TMEM232: variants seen among roughly 807,000 people sequenced by gnomAD.
TMEM232 encodes transmembrane protein 232.
Under a neutral mutation model 78.8 loss-of-function variants are expected in TMEM232, and 80 were observed. That is an observed-to-expected ratio of 1.01 (90% CI 0.85 to 1.22). The LOEUF is 1.22. TMEM232 is among the 50% of genes most tolerant of loss of function. TMEM232 has a pLI of 0.00. For missense variants in TMEM232, 881 were observed against 742.2 expected (o/e 1.19, Z -2.17); for synonymous variants, 297 against 254.3 (o/e 1.17, Z -1.60).
downstream of TMEM232, chr5:110,417,936 T>C (rs1019144589): frequency 4.6e-5 from 7 of 152,168 alleles, no homozygotes; most frequent in Non-Finnish European, 8.8e-5. Flanking sequence ...CAGTTTTCAC[T>C]TTTTTCTGCA....
At chr5:110,621,955 T>C (rs1783806920) in intron 7 of TMEM232, among the ~76,000 whole-genome samples, 1 of 152,186 alleles carries the variant, frequency 6.6e-6, no homozygotes, top group Non-Finnish European at 1.5e-5. Context: ...ATTATGAGTG[T>C]CTGACTAGGC....
At chr5:110,428,989 G>C (rs1757540286) in intron 12 of TMEM232, among the ~76,000 whole-genome samples, 1 of 151,814 alleles carries the variant, frequency 6.6e-6, no homozygotes, top group African/African-American at 2.4e-5. Flanking sequence ...GGCTGGGACT[G>C]AGATTACATT....
At chr5:110,513,263 T>G (rs1768063829) in intron 12 of TMEM232, among the ~76,000 whole-genome samples, 1 of 152,054 alleles carries the variant, frequency 6.6e-6, no homozygotes, top group East Asian at 1.9e-4. Flanking sequence ...AGCACTTCAA[T>G]GTCAACAAAA....
chr5:110,484,115 T>A (rs946107800), intron 12 of TMEM232, among the ~76,000 whole-genome samples: 1 of 152,006 alleles, frequency 6.6e-6, no homozygotes, highest in Admixed American at 6.6e-5. Flanking sequence ...AAACATTAAG[T>A]ACACATGGAT....
At position 110,571,145 on chromosome 5, in the gene TMEM232, T is replaced by C. The variant is rs1414637077; in HGVS notation, c.1277-2520A>G. 3.3e-5 allele frequency among the ~76,000 whole-genome samples: 5 copies of C among 152,034 alleles called. No individual in the cohort carries two copies. In the South Asian group the frequency reaches 8.3e-4, roughly 25 times the overall value. On this transcript the variant is annotated intron_variant, in intron 10 of 13. Transcript: ENST00000455884. Reference sequence around the variant, plus strand: ...GCTAGGTGCCCTTGTGCCTGATGTATTGTATCATATTGTACTTGCATATCT... The same window carrying C: ...GCTAGGTGCCCTTGTGCCTGATGTACTGTATCATATTGTACTTGCATATCT...
At chr5:110,521,961 T>C (rs1475215108) in intron 12 of TMEM232, among the ~76,000 whole-genome samples, 3 of 152,220 alleles carry the variant, frequency 2.0e-5, no homozygotes, top group African/African-American at 7.2e-5. Context: ...TGTTCCCATA[T>C]GAATTTCAGA....
At chr5:110,548,843 G>A (rs1243489736) in intron 11 of TMEM232, among the ~76,000 whole-genome samples, 1 of 151,968 alleles carries the variant, frequency 6.6e-6, no homozygotes, top group Non-Finnish European at 1.5e-5. Context: ...AAAGAGATCT[G>A]TTGTAGTTAT....
intron 1 of TMEM232, among the ~76,000 whole-genome samples, chr5:110,685,377 C>G (rs147614413): frequency 0.011 from 1,600 of 152,034 alleles, 23 homozygotes; most frequent in African/African-American, 0.036. Flanking sequence ...ATATACAGAA[C>G]AAAATCTGAG....
At chr5:110,624,736 T>C (rs911760485) in intron 7 of TMEM232, among the ~76,000 whole-genome samples, 2 of 152,038 alleles carry the variant, frequency 1.3e-5, no homozygotes, top group Non-Finnish European at 2.9e-5. Flanking sequence ...TTTTTTCTTA[T>C]ATATTTAATT....
At chr5:110,492,097 A>G (rs530351021) in intron 12 of TMEM232, among the ~76,000 whole-genome samples, 2 of 152,028 alleles carry the variant, frequency 1.3e-5, no homozygotes, top group South Asian at 4.1e-4. Flanking sequence ...AATAATACCT[A>G]ATGCTAAATG....
At chr5:110,545,713 C>T (rs1426739381) in intron 11 of TMEM232, among the ~76,000 whole-genome samples, 1 of 152,054 alleles carries the variant, frequency 6.6e-6, no homozygotes. Flanking sequence ...TTAAAGATTG[C>T]ACCATAAAAT....
chr5:110,490,488 A>C (rs1253684262), intron 12 of TMEM232, among the ~76,000 whole-genome samples: 6 of 152,164 alleles, frequency 3.9e-5, no homozygotes, highest in Non-Finnish European at 7.4e-5. Flanking sequence ...CAAGCCTTCC[A>C]TTTTGGAGAA....
chr5:110,637,075 C>T (rs6868297), intron 5 of TMEM232, among the ~76,000 whole-genome samples: 63,103 of 150,656 alleles, frequency 0.42, 18,765 homozygotes, highest in African/African-American at 0.84. Context: ...AAAATTTTAT[C>T]ACATTTATTT....
intron 10 of TMEM232, among the ~76,000 whole-genome samples, chr5:110,582,987 C>T (rs976241507): frequency 1.9e-4 from 29 of 151,900 alleles, no homozygotes; most frequent in African/African-American, 6.5e-4. Flanking sequence ...AGCCACAAAA[C>T]ATTGTTTAAA....
At chr5:110,498,450 T>TC (rs1384107319) in intron 12 of TMEM232, among the ~76,000 whole-genome samples, 1 of 152,104 alleles carries the variant, frequency 6.6e-6, no homozygotes, top group African/African-American at 2.4e-5. Context: ...ATAATCATTT[T>TC]CCCAATTCTA....
chr5:110,553,022 C>T (rs995867659), intron 11 of TMEM232, among the ~76,000 whole-genome samples: 12 of 152,078 alleles, frequency 7.9e-5, no homozygotes, highest in Non-Finnish European at 1.8e-4. Context: ...TTATTGTCAA[C>T]TTTATCAAAG....
chr5:110,701,249 C>T (rs767516072), intron 1 of TMEM232, among the ~76,000 whole-genome samples: 9 of 151,928 alleles, frequency 5.9e-5, no homozygotes, highest in Non-Finnish European at 1.2e-4. Flanking sequence ...ACACATATTC[C>T]TAACTATGGT....
intron 1 of TMEM232, among the ~76,000 whole-genome samples, chr5:110,737,485 G>A (rs1027400252): frequency 6.6e-6 from 1 of 152,110 alleles, no homozygotes; most frequent in Admixed American, 6.6e-5. Flanking sequence ...AGAAAGTTAT[G>A]TTTTATATCA....
At chr5:110,509,654 ATG>A (rs1215379903) in intron 12 of TMEM232, among the ~76,000 whole-genome samples, 1 of 152,112 alleles carries the variant, frequency 6.6e-6, no homozygotes, top group Non-Finnish European at 1.5e-5. Context: ...CGCCCTTCCC[ATG>A]TAATGCATTT....
Sources: gnomAD v4.1 joint callset for allele counts (sites outside exome capture counted in the v4.1 genomes callset) on GRCh38, gnomAD v4.1.1 for gene constraint, MANE v1.5 for transcripts, NCBI Gene and HGNC (gene_info 2026-07-23, HGNC 2026-07-21) for gene names.